The following RNF144A variants were observed in gnomAD, a reference collection of about 807,000 sequenced individuals.
RNF144A encodes the protein E3 ubiquitin-protein ligase RNF144A.
A neutral mutation model predicts 38.7 loss-of-function variants in RNF144A; 11 were observed. That is an observed-to-expected ratio of 0.28 (90% CI 0.18 to 0.47). The LOEUF (loss-of-function observed/expected upper bound fraction) is 0.47. Among genes scored for constraint, RNF144A ranks in the 20% least tolerant of loss-of-function variants. RNF144A has a pLI of 0.99. For synonymous variants in RNF144A, 149 were observed against 143.9 expected (o/e 1.04, Z -0.25); for missense variants, 316 against 377.2 (o/e 0.84, Z 1.34).
At position 6,983,981 on chromosome 2, in the gene RNF144A, A is replaced by G. The variant is rs114043531; in HGVS notation, c.-11-12935A>G. ...AATGTGACTACTTGCCATCAGCCCTATTTGTCATTGGGCCATGTTGGACAA... is the reference window on the plus strand; with the variant it reads ...AATGTGACTACTTGCCATCAGCCCTGTTTGTCATTGGGCCATGTTGGACAA... On this transcript the variant is annotated intron_variant, in intron 2 of 8. Transcript: ENST00000320892. 8.6e-3 allele frequency among the ~76,000 whole-genome samples: 1,310 copies of G among 152,176 alleles called. 16 individuals carry two copies. Among genetic ancestry groups the G allele is most frequent in the African/African-American group, 0.03 (1,259 of 41,512 alleles).
intron 2 of RNF144A, among the ~76,000 whole-genome samples, chr2:6,972,615 C>T (rs1168444838): frequency 1.3e-5 from 2 of 152,110 alleles, no homozygotes; most frequent in East Asian, 1.9e-4. Context: ...AACCATCTTA[C>T]CTTAGAGATT....
chr2:7,059,862 A>G (rs989208374), intron 6 of RNF144A, among the ~76,000 whole-genome samples: 2 of 152,190 alleles, frequency 1.3e-5, no homozygotes, highest in Admixed American at 6.5e-5. Context: ...GCTTAATATG[A>G]ATTACTTAAA....
At chr2:7,007,167 G>A (rs1460837178) in intron 3 of RNF144A, among the ~76,000 whole-genome samples, 1 of 152,124 alleles carries the variant, frequency 6.6e-6, no homozygotes. Context: ...GTCTAGGACC[G>A]ACAGCAGGTA....
chr2:7,050,185 A>G (rs1673462060), intron 6 of RNF144A, among the ~76,000 whole-genome samples: 1 of 152,156 alleles, frequency 6.6e-6, no homozygotes, highest in Non-Finnish European at 1.5e-5. Flanking sequence ...AATTATAACA[A>G]TCCCCACACG....
intron 3 of RNF144A, 126 bp downstream of exon 3, chr2:6,997,187 G>T: frequency 1.3e-6 from 1 of 785,566 alleles, no homozygotes. Context: ...TCTTGTTGAG[G>T]CCTTCACACA....
At chr2:7,000,060 G>A (rs1670004248) in intron 3 of RNF144A, among the ~76,000 whole-genome samples, 1 of 152,180 alleles carries the variant, frequency 6.6e-6, no homozygotes, top group African/African-American at 2.4e-5. Flanking sequence ...TTGCTAATAT[G>A]GCACTCCCCT....
intron 2 of RNF144A, among the ~76,000 whole-genome samples, chr2:6,960,862 A>G (rs1667290130): frequency 6.6e-6 from 1 of 152,178 alleles, no homozygotes; most frequent in Admixed American, 6.5e-5. Flanking sequence ...TTCAGCATGA[A>G]GGAAGAGCTG....
At chr2:7,031,586 G>A (rs537371885) in intron 8 of RNF144A, among the ~76,000 whole-genome samples, 339 of 152,340 alleles carry the variant, frequency 2.2e-3, no homozygotes, top group African/African-American at 7.1e-3. Context: ...CTCGAGAGGC[G>A]TGAAGGGCTC....
rs75152402 is a variant in RNF144A, at chr2:6,994,555, A to G, written c.-11-2361A>G. On this transcript the variant is annotated intron_variant, in intron 2 of 8. Coordinates refer to ENST00000320892, the MANE Select transcript of RNF144A (RefSeq NM_014746.6). ...ATTCAAGGTGTAGAGAAATGATCCA[A>G]ATGAATATGACCCTGGGGAGGACGC... 8.4e-3 allele frequency among the ~76,000 whole-genome samples: 1,272 copies of G among 152,220 alleles called. 5 individuals are homozygous for G. Among genetic ancestry groups the G allele is most frequent in the Non-Finnish European group, 0.013 (858 of 68,012 alleles).
intron 2 of RNF144A, among the ~76,000 whole-genome samples, chr2:6,985,596 A>G (rs748650689): frequency 1.3e-5 from 2 of 152,194 alleles, no homozygotes; most frequent in Non-Finnish European, 2.9e-5. Context: ...TAATAGACGG[A>G]ATACAACTCG....
In RNF144A at chr2:6,936,879, C is replaced by T. The variant is rs1000701438; in HGVS notation, c.-211-4069C>T. On this transcript the variant is annotated intron_variant, in intron 1 of 8. Transcript: ENST00000320892. ...TGTGTGTGTGTGTGTGTGTGTGTGT[C>T]ACTGAGGGCCAGGTGCGGTCTATAG... Among the ~76,000 whole-genome samples, 5 of 69,260 alleles carry T rather than the reference C, an allele frequency of 7.2e-5. No homozygotes were observed. In the South Asian group the frequency reaches 2.4e-3, roughly 33 times the overall value. The allele number at this position is 69,260 out of a possible 152,430, so 45.4% of individuals were successfully genotyped here. A position where few individuals can be genotyped will look rare whatever the true frequency, so the allele number is the denominator to read the frequency against.
intron 2 of RNF144A, among the ~76,000 whole-genome samples, chr2:6,949,088 A>G (rs1257330936): frequency 1.3e-5 from 2 of 152,196 alleles, no homozygotes; most frequent in African/African-American, 2.4e-5. Context: ...CTCTTTGCCC[A>G]ATTCTAGTTG....
chr2:7,007,336 C>T (rs918675349), intron 3 of RNF144A, among the ~76,000 whole-genome samples: 2 of 152,226 alleles, frequency 1.3e-5, no homozygotes, highest in Non-Finnish European at 2.9e-5. Flanking sequence ...CCAACAGAGG[C>T]TGAATTAAGA....
chr2:7,063,763 C>T (rs929672141), intron 6 of RNF144A, among the ~76,000 whole-genome samples: 1 of 152,128 alleles, frequency 6.6e-6, no homozygotes. Flanking sequence ...GTCTAATGCT[C>T]CAGATAATTC....
In RNF144A at chr2:6,972,256, G is replaced by T. The variant is rs926999279; in HGVS notation, c.-11-24660G>T. Among the ~76,000 whole-genome samples, 6 of 152,290 alleles carry T rather than the reference G, an allele frequency of 3.9e-5. No homozygotes were observed. The East Asian group carries it at 1.2e-3, about 29-fold the overall frequency. Reference sequence around the variant, plus strand: ...ACACACTCAGTCATTTGCCAGGCAGGTCTGCAGCAAGATTGAGTGACAGTC... The same window carrying T: ...ACACACTCAGTCATTTGCCAGGCAGTTCTGCAGCAAGATTGAGTGACAGTC... On this transcript the variant is annotated intron_variant, in intron 2 of 8. Coordinates refer to ENST00000320892, the MANE Select transcript of RNF144A (RefSeq NM_014746.6).
downstream of RNF144A, among the ~76,000 whole-genome samples, chr2:7,069,114 A>G (rs953061964): frequency 5.9e-5 from 9 of 152,218 alleles, no homozygotes; most frequent in African/African-American, 2.2e-4. Flanking sequence ...GTGATTTCAC[A>G]TGGGGCTTGT....
Position 6,917,677 on chromosome 2 carries a change from G to T in RNF144A, c.-212+55G>T, listed in dbSNP as rs1664209646. On this transcript the variant is annotated intron_variant, in intron 1 of 8. Transcript: ENST00000320892. The surrounding 1 kb of genome is among the most constrained non-coding windows in gnomAD (Gnocchi z 4.8). ...GCATCGCCCGGGCCGGCCGCGGAGC[G>T]GGGAGGGCGGGACGCGGCGCTGCGC... 1.4e-5 allele frequency: 2 copies of T among 147,910 alleles called. No homozygotes were observed. The highest frequency in any genetic ancestry group is 2.1e-4 in the South Asian group (1 of 4,822). 9.2% of individuals were successfully genotyped at this position (147,910 alleles called of 1,614,324 possible). A position where few individuals can be genotyped will look rare whatever the true frequency, so the allele number is the denominator to read the frequency against.
intron 7 of RNF144A, among the ~76,000 whole-genome samples, chr2:7,027,579 G>A (rs946137952): frequency 1.3e-5 from 2 of 152,244 alleles, no homozygotes; most frequent in Non-Finnish European, 2.9e-5. Context: ...TCAAGGCAGA[G>A]TTCCAGTGGA....
At chr2:6,986,441 C>T (rs1033119618) in intron 2 of RNF144A, among the ~76,000 whole-genome samples, 1 of 152,108 alleles carries the variant, frequency 6.6e-6, no homozygotes, top group Admixed American at 6.5e-5. Context: ...TTGTGCCGGG[C>T]CTGCCCCCTT....
Sources: allele counts gnomAD v4.1 joint callset (sites outside exome capture counted in the v4.1 genomes callset), GRCh38; gene constraint gnomAD v4.1.1; non-coding constraint Gnocchi (gnomAD v3.1); transcripts MANE v1.5; gene names NCBI Gene and HGNC (gene_info 2026-07-23, HGNC 2026-07-21).